COX6C: variants seen among roughly 807,000 people sequenced by gnomAD.
COX6C encodes the protein cytochrome c oxidase polypeptide VIc.
A neutral mutation model predicts 6.9 loss-of-function variants in COX6C; 3 were observed. The ratio of observed to expected loss-of-function variants is 0.43; its 90% CI spans 0.20 to 1.12. The LOEUF is 1.12. Among genes scored for constraint, COX6C ranks in the 50% most tolerant of loss-of-function variants. The probability of loss-of-function intolerance (pLI) is 0.27; values close to 1 mark genes in which losing one functional copy is unlikely to be tolerated. For missense variants in COX6C, 101 were observed against 97.3 expected (o/e 1.04, Z -0.16); for synonymous variants, 32 against 32.0 (o/e 1.00, Z 0.00).
At chr8:99,888,878 C>T (rs1363761307) in intron 2 of COX6C, among the ~76,000 whole-genome samples, 1 of 152,218 alleles carries the variant, frequency 6.6e-6, no homozygotes, top group Non-Finnish European at 1.5e-5. Flanking sequence ...GAAGCTGCAC[C>T]TTGTGCAGTG....
intron 2 of COX6C, among the ~76,000 whole-genome samples, chr8:99,891,421 G>A (rs1191627457): frequency 6.6e-6 from 1 of 151,988 alleles, no homozygotes; most frequent in Non-Finnish European, 1.5e-5. Flanking sequence ...AGCCAGTTCC[G>A]GTGGTGTGTA....
intron 1 of COX6C, among the ~76,000 whole-genome samples, chr8:99,892,364 C>T (rs1210940374): frequency 6.6e-6 from 1 of 152,084 alleles, no homozygotes; most frequent in African/African-American, 2.4e-5. Flanking sequence ...ATTAAAATAA[C>T]ATAAGCTATT....
rs1052961072 is a variant in COX6C, at chr8:99,893,636, C to CA, written c.-32+2dup. On this transcript the variant is annotated splice_region_variant and intron_variant, in intron 1 of 3. Transcript: ENST00000520468. ...GTAGGGATGCAAAAGGGACCGGACT[C>CA]ACCTCAACACCAACGTCCTTCCTGA... 1.3e-5 allele frequency: 2 copies of CA among 152,306 alleles called. No homozygotes were observed. The highest frequency in any genetic ancestry group is 4.8e-5 in the African/African-American group (2 of 41,476). The allele number at this position is 152,306 out of a possible 1,614,324, so 9.4% of individuals were successfully genotyped here. A position where few individuals can be genotyped will look rare whatever the true frequency, so the allele number is the denominator to read the frequency against.
At chr8:99,888,300 TGGTGGCTCA>T (rs1817975179) in intron 2 of COX6C, among the ~76,000 whole-genome samples, 1 of 151,936 alleles carries the variant, frequency 6.6e-6, no homozygotes, top group Non-Finnish European at 1.5e-5. Context: ...AGGTCGGGCG[TGGTGGCTCA>T]TGCCTACAAT....
At chr8:99,891,799 C>CA (rs1294072007) in intron 2 of COX6C, 109 bp downstream of exon 2, 1 of 914,118 alleles carries the variant, frequency 1.1e-6, no homozygotes, top group Non-Finnish European at 1.8e-6. Flanking sequence ...GAGGTGAGTG[C>CA]AGAAAGGGTT....
At chr8:99,881,913 A>G (rs918011043) in intron 3 of COX6C, among the ~76,000 whole-genome samples, 1 of 152,256 alleles carries the variant, frequency 6.6e-6, no homozygotes, top group Non-Finnish European at 1.5e-5. Flanking sequence ...GATGTCCCAC[A>G]CATACAGCAA....
At chr8:99,891,398 A>C (rs772717649) in intron 2 of COX6C, among the ~76,000 whole-genome samples, 4 of 152,184 alleles carry the variant, frequency 2.6e-5, no homozygotes, top group Non-Finnish European at 5.9e-5. Context: ...TCTCTACAAA[A>C]AATATAAAAA....
At chr8:99,890,245 G>A (rs1053570905) in intron 2 of COX6C, among the ~76,000 whole-genome samples, 1 of 152,166 alleles carries the variant, frequency 6.6e-6, no homozygotes, top group Non-Finnish European at 1.5e-5. Flanking sequence ...TTACAGGCAT[G>A]AGACACCAGA....
intron 3 of COX6C, among the ~76,000 whole-genome samples, chr8:99,881,286 C>T (rs113952337): frequency 4.6e-5 from 7 of 151,468 alleles, no homozygotes; most frequent in African/African-American, 1.5e-4. Context: ...CTTGAACCCA[C>T]GAGGCGGAAG....
In COX6C at chr8:99,891,932, G is replaced by A. The variant is rs747415248; in HGVS notation, c.90C>T (p.Ser30=). The A allele has an allele frequency of 1.9e-6, 3 of 1,613,952 alleles. No homozygotes were observed. Among genetic ancestry groups the A allele is most frequent in the Non-Finnish European group, 2.5e-6 (3 of 1,180,012 alleles). Residue 30 remains serine, a synonymous_variant, in exon 2 of 4, where the codon TCC becomes TCT. Coordinates refer to ENST00000520468, the MANE Select transcript of COX6C (RefSeq NM_004374.4). ...RNHMAVAFVL[S]LGVAALYKFR... is the part of the protein sequence containing the mutation. ...CCTTATACAAAGCTGCAACCCCCAG[G>A]GATAGCACGAATGCTACAGCCATAT...
At chr8:99,880,686 G>A (rs1010973451) in intron 3 of COX6C, among the ~76,000 whole-genome samples, 3 of 151,846 alleles carry the variant, frequency 2.0e-5, no homozygotes, top group African/African-American at 7.3e-5. Flanking sequence ...AGGCAACATG[G>A]TGAGACCCCA....
At chr8:99,883,453 G>GTGTGTGTA (rs34497336) in intron 3 of COX6C, among the ~76,000 whole-genome samples, 1 of 135,150 alleles carries the variant, frequency 7.4e-6, no homozygotes, top group African/African-American at 2.8e-5. Context: ...GTGTGTGTGT[G>GTGTGTGTA]TATATATATA....
chr8:99,888,081 ACT>A (rs1351168394), intron 2 of COX6C, among the ~76,000 whole-genome samples: 1 of 150,140 alleles, frequency 6.7e-6, no homozygotes, highest in Non-Finnish European at 1.5e-5. Context: ...ACAGAGCGAG[ACT>A]CTGTCTCAAA....
intron 2 of COX6C, among the ~76,000 whole-genome samples, chr8:99,888,255 C>T (rs1817974162): frequency 6.8e-6 from 1 of 147,834 alleles, no homozygotes; most frequent in Non-Finnish European, 1.5e-5. Flanking sequence ...TATTTGAATT[C>T]CCAATTTCTT....
At chr8:99,887,436 C>T in intron 3 of COX6C, 54 bp downstream of exon 3, 5 of 1,055,094 alleles carry the variant, frequency 4.7e-6, no homozygotes, top group South Asian at 1.8e-5. Flanking sequence ...CCTGTATTTG[C>T]ATTTTACCAC....
chr8:99,887,307 C>T, intron 3 of COX6C, 183 bp downstream of exon 3: 1 of 441,084 alleles, frequency 2.3e-6, no homozygotes, highest in Non-Finnish European at 4.0e-6. Flanking sequence ...TATTGTGCCA[C>T]TTATTGCTCA....
chr8:99,884,223 C>A (rs1025056063), intron 3 of COX6C, among the ~76,000 whole-genome samples: 12 of 152,076 alleles, frequency 7.9e-5, no homozygotes, highest in African/African-American at 2.9e-4. Flanking sequence ...TATAATCTTA[C>A]CTCCAGCAAA....
intron 1 of COX6C, chr8:99,893,318 C>T (rs1818085885): frequency 6.6e-6 from 1 of 152,330 alleles, no homozygotes; most frequent in Non-Finnish European, 1.5e-5. Context: ...AATGACCTCA[C>T]CAAGGTCACA....
intron 3 of COX6C, among the ~76,000 whole-genome samples, chr8:99,881,232 C>A (rs1044160480): frequency 6.6e-6 from 1 of 151,918 alleles, no homozygotes; most frequent in African/African-American, 2.4e-5. Flanking sequence ...CAGTGGGGTG[C>A]ATCTGTAATT....
Sources: gnomAD v4.1 joint callset for allele counts (sites outside exome capture counted in the v4.1 genomes callset) on GRCh38, gnomAD v4.1.1 for gene constraint, MANE v1.5 for transcripts, NCBI Gene and HGNC (gene_info 2026-07-23, HGNC 2026-07-21) for gene names.